Variants in CNTNAP2 observed in about 807,000 individuals in gnomAD.
The protein encoded by CNTNAP2 is contactin-associated protein-like 2.
CNTNAP2 carries 98 observed loss-of-function variants against 155.2 expected under a neutral mutation model. The observed-to-expected ratio is 0.63, with a 90% CI of 0.54 to 0.75. The LOEUF (loss-of-function observed/expected upper bound fraction) is 0.75. CNTNAP2 is among the 30% of genes least tolerant of loss of function. CNTNAP2 has a pLI of 0.00. For missense variants in CNTNAP2, 1,727 were observed against 1,688.1 expected, an observed-to-expected ratio of 1.02 and a Z score of -0.40; for synonymous variants, 651 against 631.2, an observed-to-expected ratio of 1.03 and a Z score of -0.47.
At chr7:146,223,246 C>A (rs954439924) in intron 1 of CNTNAP2, among the ~76,000 whole-genome samples, 6 of 152,176 alleles carry the variant, frequency 3.9e-5, no homozygotes, top group African/African-American at 1.4e-4. Flanking sequence ...TCGCATATTT[C>A]ATGCCAAGAT....
At chr7:147,713,627 T>A (rs1175523890) in intron 13 of CNTNAP2, among the ~76,000 whole-genome samples, 1 of 152,190 alleles carries the variant, frequency 6.6e-6, no homozygotes, top group Non-Finnish European at 1.5e-5. Flanking sequence ...TGTTTGAACA[T>A]ACGTTTTCAT....
chr7:147,692,876 A>G (rs1163950440), intron 13 of CNTNAP2, among the ~76,000 whole-genome samples: 1 of 151,902 alleles, frequency 6.6e-6, no homozygotes, highest in South Asian at 2.1e-4. Context: ...TTTTTTCCCT[A>G]AAGTGTGCCT....
At chr7:147,128,916 A>C in intron 7 of CNTNAP2, 80 bp downstream of exon 7, 1 of 1,553,630 alleles carries the variant, frequency 6.4e-7, no homozygotes, top group Non-Finnish European at 8.9e-7. Flanking sequence ...GAACAACAAC[A>C]AAATCATGAC....
chr7:148,270,992 G>A (rs963672135), intron 21 of CNTNAP2, among the ~76,000 whole-genome samples: 1 of 152,200 alleles, frequency 6.6e-6, no homozygotes, highest in Non-Finnish European at 1.5e-5. Context: ...AGGCTGATCA[G>A]TGCCTAGTAT....
intron 9 of CNTNAP2, among the ~76,000 whole-genome samples, chr7:147,335,854 G>A (rs1456145659): frequency 7.0e-6 from 1 of 142,206 alleles, no homozygotes; most frequent in Non-Finnish European, 1.6e-5. Flanking sequence ...GAAGGTCATT[G>A]CTGTACAAAT....
intron 3 of CNTNAP2, among the ~76,000 whole-genome samples, chr7:147,015,610 A>G (rs756188183): frequency 1.2e-4 from 18 of 152,210 alleles, no homozygotes; most frequent in Middle Eastern, 3.4e-3. Flanking sequence ...TTGATTATTT[A>G]TACATTTTTG....
chr7:146,757,071 C>T (rs1352312027), intron 1 of CNTNAP2, among the ~76,000 whole-genome samples: 1 of 151,966 alleles, frequency 6.6e-6, no homozygotes, highest in African/African-American at 2.4e-5. Context: ...CATTTCGAGT[C>T]AGTGATTTAG....
intron 1 of CNTNAP2, among the ~76,000 whole-genome samples, chr7:146,350,573 T>G (rs564580636): frequency 5.3e-5 from 8 of 151,760 alleles, no homozygotes; most frequent in Admixed American, 3.3e-4. Context: ...ACTTTTACAC[T>G]GTTGGTGGGA....
chr7:146,474,820 AG>A (rs1796850649), intron 1 of CNTNAP2, among the ~76,000 whole-genome samples: 1 of 152,212 alleles, frequency 6.6e-6, no homozygotes, highest in Non-Finnish European at 1.5e-5. Flanking sequence ...ATATCCAGGT[AG>A]AAGTGTATTG....
At chr7:147,012,695 T>G (rs1175212385) in intron 3 of CNTNAP2, among the ~76,000 whole-genome samples, 5 of 152,148 alleles carry the variant, frequency 3.3e-5, no homozygotes, top group Non-Finnish European at 1.5e-5. Flanking sequence ...AATTTAGGCT[T>G]AGAAATATCT....
chr7:147,760,609 A>G (rs563824311), intron 13 of CNTNAP2, among the ~76,000 whole-genome samples: 2 of 152,336 alleles, frequency 1.3e-5, no homozygotes, highest in African/African-American at 4.8e-5. Context: ...AGCCATGTAG[A>G]TAATTTTTCC....
At chr7:148,308,160 T>C (rs1429425550) in intron 21 of CNTNAP2, among the ~76,000 whole-genome samples, 1 of 152,204 alleles carries the variant, frequency 6.6e-6, no homozygotes, top group African/African-American at 2.4e-5. Flanking sequence ...TACTAGGTTT[T>C]TCCTCCCACG....
chr7:146,885,955 GTGTGTGTGTGTGTGTGTGTA>G (rs1366126949), intron 3 of CNTNAP2, among the ~76,000 whole-genome samples: 1 of 149,926 alleles, frequency 6.7e-6, no homozygotes, highest in African/African-American at 2.5e-5. Flanking sequence ...GTGTGTGTGT[GTGTGTGTGTGTGTGTGTGTA>G]TGTGCTTTCC....
intron 12 of CNTNAP2, among the ~76,000 whole-genome samples, chr7:147,626,368 T>C (rs1442474509): frequency 6.6e-6 from 1 of 151,854 alleles, no homozygotes; most frequent in African/African-American, 2.4e-5. Flanking sequence ...CTCTCACTAA[T>C]GGCTATTCCC....
chr7:147,713,680 T>C (rs564987980), intron 13 of CNTNAP2, among the ~76,000 whole-genome samples: 46 of 152,246 alleles, frequency 3.0e-4, no homozygotes, highest in African/African-American at 1.1e-3. Flanking sequence ...CTGGATTGTA[T>C]GGTAAGTGAA....
At chr7:147,602,863 C>T (rs1800980278) in intron 12 of CNTNAP2, among the ~76,000 whole-genome samples, 1 of 151,668 alleles carries the variant, frequency 6.6e-6, no homozygotes, top group South Asian at 2.1e-4. Context: ...TGTATATGTG[C>T]CACATTTTCT....
chr7:147,435,226 C>A (rs1797531228), intron 10 of CNTNAP2, among the ~76,000 whole-genome samples: 1 of 152,060 alleles, frequency 6.6e-6, no homozygotes, highest in East Asian at 1.9e-4. Context: ...ATGAGTAGAG[C>A]CCACTGCAGG....
At chr7:146,895,456 G>A (rs1795856805) in intron 3 of CNTNAP2, among the ~76,000 whole-genome samples, 1 of 151,866 alleles carries the variant, frequency 6.6e-6, no homozygotes, top group Admixed American at 6.6e-5. Context: ...AATGGATTAG[G>A]ATGTAATTAG....
chr7:147,598,672 T>A (rs1361851159), intron 12 of CNTNAP2, among the ~76,000 whole-genome samples: 1 of 152,160 alleles, frequency 6.6e-6, no homozygotes, highest in Non-Finnish European at 1.5e-5. Context: ...TCTGCTATCA[T>A]TGGGTGATAT....
Sources: gnomAD v4.1 joint callset for allele counts (sites outside exome capture counted in the v4.1 genomes callset) on GRCh38, gnomAD v4.1.1 for gene constraint, MANE v1.5 for transcripts, NCBI Gene and HGNC (gene_info 2026-07-23, HGNC 2026-07-21) for gene names.